The following RHCE variants were observed in gnomAD, a reference collection of about 807,000 sequenced individuals.
The protein encoded by RHCE is blood group Rh(CE) polypeptide.
In RHCE, 22 loss-of-function variants were observed where a neutral mutation model predicts 43.8. The observed-to-expected ratio is 0.50, with a 90% CI of 0.36 to 0.72. The LOEUF is 0.72. RHCE is among the 30% of genes least tolerant of loss of function. The pLI is 0.00. For synonymous variants in RHCE, 156 were observed against 210.7 expected (o/e 0.74, Z 2.25); for missense variants, 385 against 525.4 (o/e 0.73, Z 2.61).
Position 25,406,382 on chromosome 1 carries a change from G to A in RHCE, c.335+2301C>T, listed in dbSNP as rs1428518883. Among the ~76,000 whole-genome samples the A allele has an allele frequency of 2.5e-5, 3 of 120,482 alleles. 1 individual carries two copies. The highest frequency in any genetic ancestry group is 5.7e-5 in the Non-Finnish European group (3 of 52,954). 79.0% of individuals were successfully genotyped at this position (120,482 alleles called of 152,430 possible). ...GGCTACAGTGCAATGGCGCGATCTCGGCTCACTATAGCCTCCGCCTCCCGG... is the reference window on the plus strand; with the variant it reads ...GGCTACAGTGCAATGGCGCGATCTCAGCTCACTATAGCCTCCGCCTCCCGG... On this transcript the variant is annotated intron_variant, in intron 2 of 9. Coordinates refer to ENST00000294413, the MANE Select transcript of RHCE (RefSeq NM_020485.8).
At chr1:25,412,095 G>A (rs1257209924) in intron 1 of RHCE, among the ~76,000 whole-genome samples, 1 of 152,170 alleles carries the variant, frequency 6.6e-6, no homozygotes, top group Non-Finnish European at 1.5e-5. Context: ...CCCACAACTT[G>A]GAGAAAGAAA....
Position 25,362,277 on chromosome 1 carries a change from G to A in RHCE, c.*250C>T. The A allele has an allele frequency of 1.3e-6, 1 of 796,956 alleles. No individual in the cohort carries two copies. The highest frequency in any genetic ancestry group is 1.9e-5 in the South Asian group (1 of 53,488). 49.4% of individuals were successfully genotyped at this position (796,956 alleles called of 1,614,324 possible). On this transcript the variant is annotated 3_prime_UTR_variant, in exon 10 of 10. Coordinates refer to ENST00000294413, the MANE Select transcript of RHCE (RefSeq NM_020485.8). The stretch of plus-strand genomic sequence containing the variant: ...AATTAACCCAAAACTTTAATAATGT[G>A]TCTGTAACCAAGAAAATATTGATAG...
chr1:25,414,963 A>G (rs187659822), intron 1 of RHCE, among the ~76,000 whole-genome samples: 1 of 152,244 alleles, frequency 6.6e-6, no homozygotes, highest in Admixed American at 6.5e-5. Flanking sequence ...TTATGCAGCA[A>G]TAGGTAATTG....
chr1:25,372,237 T>C (rs866839197), intron 8 of RHCE, among the ~76,000 whole-genome samples: 11 of 151,648 alleles, frequency 7.3e-5, no homozygotes, highest in South Asian at 2.1e-4. Context: ...AAGAATTTGT[T>C]GGCCGGGCAC....
At chr1:25,409,654 T>A (rs115988179) in intron 1 of RHCE, among the ~76,000 whole-genome samples, 1,707 of 123,044 alleles carry the variant, frequency 0.014, 1 homozygote, top group African/African-American at 0.041. Context: ...AAATCAAGAC[T>A]GTGGCACTCT....
intron 8 of RHCE, among the ~76,000 whole-genome samples, chr1:25,372,727 A>G (rs1175956976): frequency 6.6e-6 from 1 of 151,748 alleles, no homozygotes; most frequent in Non-Finnish European, 1.5e-5. Flanking sequence ...TTAACAAGTT[A>G]AATGCTTGGC....
At chr1:25,392,875 T>C (rs1203991218) in intron 3 of RHCE, among the ~76,000 whole-genome samples, 2 of 152,104 alleles carry the variant, frequency 1.3e-5, no homozygotes, top group Non-Finnish European at 1.5e-5. Context: ...TCAGTAGCTC[T>C]TATATGCTTT....
At chr1:25,401,199 C>T (rs1267509673) in intron 3 of RHCE, among the ~76,000 whole-genome samples, 1 of 152,152 alleles carries the variant, frequency 6.6e-6, no homozygotes, top group Non-Finnish European at 1.5e-5. Flanking sequence ...TGTAAACGTG[C>T]ATCATTTCAT....
At chr1:25,424,683 T>C (rs1003995260), upstream of RHCE, among the ~76,000 whole-genome samples, 3 of 152,114 alleles carry the variant, frequency 2.0e-5, no homozygotes, top group African/African-American at 7.2e-5. Flanking sequence ...CCACTGTGCC[T>C]GGCCTCTGAT....
chr1:25,427,551 C>T (rs752907446), intron 2 of RHCE, among the ~76,000 whole-genome samples: 1 of 152,150 alleles, frequency 6.6e-6, no homozygotes, highest in Non-Finnish European at 1.5e-5. Context: ...TTGGCTGGAG[C>T]CAAAAGGGCT....
At chr1:25,413,989 G>A (rs907846398) in intron 1 of RHCE, among the ~76,000 whole-genome samples, 22 of 151,698 alleles carry the variant, frequency 1.5e-4, no homozygotes, top group Non-Finnish European at 8.8e-5. Flanking sequence ...AGCTTCCTGA[G>A]CTGTAAAATT....
At chr1:25,378,509 T>C (rs1456664898) in intron 7 of RHCE, among the ~76,000 whole-genome samples, 3 of 152,254 alleles carry the variant, frequency 2.0e-5, no homozygotes, top group Non-Finnish European at 4.4e-5. Context: ...TCTCGATTTG[T>C]CTATCCGGCA....
Position 25,417,300 on chromosome 1 carries a change from C to T in RHCE, c.148+3339G>A, listed in dbSNP as rs533100033. ...GTTTGAATAATCTATTATAGTTTACCAGGACTGAATTCAATTAAGTGGATT... is the reference window on the plus strand; with the variant it reads ...GTTTGAATAATCTATTATAGTTTACTAGGACTGAATTCAATTAAGTGGATT... On this transcript the variant is annotated intron_variant, in intron 1 of 9. Transcript: ENST00000294413. Among the ~76,000 whole-genome samples the T allele has an allele frequency of 2.6e-5, 4 of 151,912 alleles. No individual in the cohort carries two copies. In the South Asian group the frequency reaches 6.2e-4, roughly 24 times the overall value.
intron 8 of RHCE, among the ~76,000 whole-genome samples, chr1:25,373,790 T>A (rs1645686305): frequency 6.6e-6 from 1 of 151,574 alleles, no homozygotes; most frequent in East Asian, 1.9e-4. Flanking sequence ...ATAAAAGATG[T>A]TTGCTTGTAG....
chr1:25,405,487 T>C (rs1646888221), intron 2 of RHCE, among the ~76,000 whole-genome samples: 1 of 152,064 alleles, frequency 6.6e-6, no homozygotes, highest in African/African-American at 2.4e-5. Context: ...ACCCCGTCTC[T>C]ACTAAAAACA....
intron 7 of RHCE, among the ~76,000 whole-genome samples, chr1:25,379,451 GTATATATATATATATATATA>G (rs1189074254): frequency 2.4e-4 from 12 of 50,998 alleles, no homozygotes; most frequent in Admixed American, 1.2e-3. Context: ...TAGCACCAAA[GTATATATATATATATATATA>G]TATATATATA....
intron 2 of RHCE, among the ~76,000 whole-genome samples, chr1:25,405,459 C>G (rs1278299809): frequency 6.6e-6 from 1 of 152,190 alleles, no homozygotes; most frequent in Non-Finnish European, 1.5e-5. Flanking sequence ...TCGAGACCAA[C>G]CTGACCCACC....
chr1:25,391,059 C>T (rs1434593415), intron 4 of RHCE, 144 bp from the exon 5 acceptor site: 35 of 1,133,370 alleles, frequency 3.1e-5, no homozygotes, highest in South Asian at 2.0e-4. Flanking sequence ...GTCTCCCCTC[C>T]GAGCTCTCAA....
At chr1:25,425,047 C>T (rs1330535310), upstream of RHCE, among the ~76,000 whole-genome samples, 1 of 152,130 alleles carries the variant, frequency 6.6e-6, no homozygotes, top group Non-Finnish European at 1.5e-5. Flanking sequence ...GAACTCCTGA[C>T]CTCAGGTGAC....
Sources: gnomAD v4.1 joint callset for allele counts (sites outside exome capture counted in the v4.1 genomes callset) on GRCh38, gnomAD v4.1.1 for gene constraint, MANE v1.5 for transcripts, NCBI Gene and HGNC (gene_info 2026-07-23, HGNC 2026-07-21) for gene names.